The following TRA2A variants were observed in gnomAD, a reference collection of about 807,000 sequenced individuals.
The protein encoded by TRA2A is transformer 2 alpha homolog, also known as transformer-2 protein homolog alpha.
TRA2A carries 31 observed loss-of-function variants against 45.7 expected under a neutral mutation model. The ratio of observed to expected loss-of-function variants is 0.68; its 90% CI spans 0.51 to 0.92. TRA2A has a LOEUF of 0.92. Ranked by LOEUF, TRA2A falls within the 40% of genes least tolerant of loss-of-function variation. The pLI, the probability that TRA2A is intolerant of heterozygous loss-of-function variation, is 0.00. For synonymous variants in TRA2A, 132 were observed against 126.2 expected (o/e 1.05, Z -0.31); for missense variants, 304 against 367.5 (o/e 0.83, Z 1.41).
At chr7:23,512,491 CTG>C (rs1451506338) in intron 4 of TRA2A, among the ~76,000 whole-genome samples, 1 of 151,986 alleles carries the variant, frequency 6.6e-6, no homozygotes, top group African/African-American at 2.4e-5. Context: ...CGGAGTCTCA[CTG>C]TGTCGCCCAG....
chr7:23,518,136 G>A (rs774872123), intron 2 of TRA2A, among the ~76,000 whole-genome samples: 78 of 151,688 alleles, frequency 5.1e-4, no homozygotes, highest in Non-Finnish European at 9.4e-4. Context: ...ACAGGGTTTC[G>A]CCATGTTGCC....
At chr7:23,525,790 T>G (rs1396912345) in intron 1 of TRA2A, among the ~76,000 whole-genome samples, 1 of 152,154 alleles carries the variant, frequency 6.6e-6, no homozygotes, top group Admixed American at 6.5e-5. Flanking sequence ...GAGACGGGGT[T>G]TCACCACATT....
At position 23,531,935 on chromosome 7, in the gene TRA2A, A is replaced by G; in HGVS notation, c.-111T>C. 2 of 1,229,290 alleles carry G rather than the reference A, an allele frequency of 1.6e-6. No homozygotes were observed. Among genetic ancestry groups the G allele is most frequent in the Non-Finnish European group, 2.3e-6 (2 of 856,116 alleles). The allele number at this position is 1,229,290 out of a possible 1,614,324, so 76.1% of individuals were successfully genotyped here. The stretch of plus-strand genomic sequence containing the variant: ...GGGGAAGAGGAAAGAGTCGGCAACC[A>G]CAGCCGCTCCACTCCACTCCCACTC... On this transcript the variant is annotated 5_prime_UTR_variant, in exon 1 of 8. Transcript: ENST00000297071.
rs563687854 is a variant in TRA2A, at chr7:23,513,661, T to C, written c.337-579A>G. On this transcript the variant is annotated intron_variant, in intron 3 of 7. Transcript: ENST00000297071. Reference sequence around the variant, plus strand: ...AGAAATAGCACTTGAACATACATTTTTTTAGTAAGGCCATTTTTATTTTCT... The same window carrying C: ...AGAAATAGCACTTGAACATACATTTCTTTAGTAAGGCCATTTTTATTTTCT... Among the ~76,000 whole-genome samples the C allele has an allele frequency of 2.6e-5, 4 of 152,256 alleles. No homozygotes were observed. In the East Asian group the frequency reaches 7.7e-4, roughly 29 times the overall value.
intron 1 of TRA2A, among the ~76,000 whole-genome samples, chr7:23,526,288 T>A (rs1441998792): frequency 6.6e-6 from 1 of 152,210 alleles, no homozygotes; most frequent in Non-Finnish European, 1.5e-5. Context: ...TACTGTAACT[T>A]ACTCTAACAT....
Position 23,516,527 on chromosome 7 carries a change from A to G in TRA2A, c.172T>C (p.Ser58Pro). The change falls in exon 3 of 8, where the codon TCG (serine) becomes CCG (proline). Residue 58 changes from serine to proline, a missense_variant and splice_region_variant. By Grantham distance (74) the Ser-to-Pro change is moderately conservative. Transcript: ENST00000297071. ...CTATGAGAATGTCTCCTTGACCTCG[A>G]CCTTTGAGAGAAATACATTTAGGTA... ...SHSRSRSKSRSRSRRHSHRRY... is the reference protein window; with the variant it reads ...SHSRSRSKSRPRSRRHSHRRY... 6.2e-7 allele frequency: 1 copy of G among 1,613,516 alleles called. No individual in the cohort carries two copies. Among genetic ancestry groups the G allele is most frequent in the Non-Finnish European group, 8.5e-7 (1 of 1,179,778 alleles).
At chr7:23,524,940 T>C (rs1009249622) in intron 1 of TRA2A, among the ~76,000 whole-genome samples, 5 of 152,122 alleles carry the variant, frequency 3.3e-5, no homozygotes, top group African/African-American at 1.2e-4. Flanking sequence ...TCTGCCCGCC[T>C]TGGCCTCCCA....
rs117138956 is a variant in TRA2A at position 23,531,673 on chromosome 7, G to A, written c.36+116C>T. On this transcript the variant is annotated intron_variant, in intron 1 of 7. Coordinates refer to ENST00000297071, the MANE Select transcript of TRA2A (RefSeq NM_013293.5). ...TGGGATGGGAGGAATCAATCGCGAT[G>A]GCTCCAGAGGTTGCTCCTCGCGGGA... 9,867 of 1,098,376 alleles carry A rather than the reference G, an allele frequency of 9.0e-3. 72 individuals are homozygous for A. The highest frequency in any genetic ancestry group is 0.011 in the Non-Finnish European group (8,208 of 746,508). 68.0% of individuals were successfully genotyped at this position (1,098,376 alleles called of 1,614,324 possible).
rs769296675 is a variant in TRA2A, at chr7:23,506,208, G to A, written c.700C>T (p.Arg234Ter). The part of the protein sequence containing the change: ...GGGGGGGGRR[R>*]DSYYDRGYDR... The stretch of plus-strand genomic sequence containing the variant: ...TATCCTCTATCATAGTAAGAATCTC[G>A]ACGTCTGCCACCACCTCCACCTCCA... Residue 234 changes from arginine (R) to a stop codon, truncating the protein, a stop_gained, in exon 6 of 8, where the codon CGA becomes TGA. Transcript: ENST00000297071. LOFTEE classifies it high-confidence loss of function. 9 of 1,613,092 alleles carry A rather than the reference G, an allele frequency of 5.6e-6. No individual in the cohort carries two copies. Among genetic ancestry groups the A allele is most frequent in the Non-Finnish European group, 6.8e-6 (8 of 1,179,482 alleles).
intron 3 of TRA2A, 74 bp from the exon 4 acceptor site, chr7:23,513,156 G>T: frequency 9.6e-7 from 1 of 1,040,032 alleles, no homozygotes; most frequent in South Asian, 1.6e-5. Flanking sequence ...ACTTTGTTTA[G>T]AACACCTCAT....
intron 4 of TRA2A, among the ~76,000 whole-genome samples, chr7:23,507,831 T>C (rs910855903): frequency 6.6e-6 from 1 of 152,118 alleles, no homozygotes; most frequent in Non-Finnish European, 1.5e-5. Flanking sequence ...TAACAAACTT[T>C]CCTAAATAAT....
chr7:23,531,197 T>A, intron 1 of TRA2A: 1 of 986,408 alleles, frequency 1.0e-6, no homozygotes, highest in Non-Finnish European at 1.2e-6. Flanking sequence ...ATTAGGCTCG[T>A]CCCACCTTCA....
At chr7:23,529,567 G>A (rs1790484298) in intron 1 of TRA2A, among the ~76,000 whole-genome samples, 1 of 152,088 alleles carries the variant, frequency 6.6e-6, no homozygotes, top group South Asian at 2.1e-4. Context: ...GGCCAGAAAC[G>A]ATTTTAAAAA....
At position 23,512,845 on chromosome 7, in the gene TRA2A, T is replaced by C. The variant is rs1462506443; in HGVS notation, c.525+49A>G. ...ACAGAAATAAGTCTATTAATCAACT[T>C]TTCACACTAATTCAGTACTATAATC... is the stretch of plus-strand genomic sequence containing the variant. On this transcript the variant is annotated intron_variant, in intron 4 of 7. Coordinates refer to ENST00000297071, the MANE Select transcript of TRA2A (RefSeq NM_013293.5). The C allele has an allele frequency of 3.0e-6, 4 of 1,334,002 alleles. No individual in the cohort carries two copies. The East Asian group carries it at 1.0e-4, about 34-fold the overall frequency. 82.6% of individuals were successfully genotyped at this position (1,334,002 alleles called of 1,614,324 possible).
intron 4 of TRA2A, among the ~76,000 whole-genome samples, chr7:23,511,880 AAC>A (rs946479573): frequency 1.4e-4 from 22 of 152,218 alleles, no homozygotes; most frequent in Non-Finnish European, 1.6e-4. Flanking sequence ...TCAATTATTG[AAC>A]ACACTGATAA....
chr7:23,521,936 G>GA lies in TRA2A; in HGVS notation c.37-97dup. ...GTAATTATTTATATTGATTGCTCCT[G>GA]AAAAACAAATGGTTAGACAACACCC... is the stretch of plus-strand genomic sequence containing the variant. On this transcript the variant is annotated intron_variant, in intron 1 of 7. Transcript: ENST00000297071. 3.3e-6 allele frequency: 5 copies of GA among 1,531,192 alleles called. No individual in the cohort carries two copies. In the East Asian group the frequency reaches 9.3e-5, roughly 28 times the overall value. 94.9% of individuals were successfully genotyped at this position (1,531,192 alleles called of 1,614,324 possible).
At chr7:23,509,043 C>T (rs1191880959) in intron 4 of TRA2A, among the ~76,000 whole-genome samples, 2 of 151,746 alleles carry the variant, frequency 1.3e-5, no homozygotes, top group African/African-American at 4.8e-5. Context: ...CCAAGTCTCC[C>T]TATGTTTCCC....
rs1290123850 is a variant in TRA2A at position 23,531,979 on chromosome 7, A to G, written c.-155T>C. 7.9e-6 allele frequency: 6 copies of G among 759,492 alleles called. No homozygotes were observed. The highest frequency in any genetic ancestry group is 7.1e-5 in the African/African-American group (4 of 56,720). 47.0% of individuals were successfully genotyped at this position (759,492 alleles called of 1,614,324 possible). On this transcript the variant is annotated 5_prime_UTR_variant, in exon 1 of 8. Coordinates refer to ENST00000297071, the MANE Select transcript of TRA2A (RefSeq NM_013293.5). Reference sequence around the variant, plus strand: ...CCCACTCGGTCGCAGGCTCCAGCAAAATGGCGCCGGCGCCGCCAGAAATCT... The same window carrying G: ...CCCACTCGGTCGCAGGCTCCAGCAAGATGGCGCCGGCGCCGCCAGAAATCT...
chr7:23,528,362 C>T (rs2128001001), intron 1 of TRA2A, among the ~76,000 whole-genome samples: 1 of 152,178 alleles, frequency 6.6e-6, no homozygotes. Flanking sequence ...CGCGCGCCAC[C>T]ACGCCCAGCT....
Sources: allele counts gnomAD v4.1 joint callset (sites outside exome capture counted in the v4.1 genomes callset), GRCh38; gene constraint gnomAD v4.1.1; transcripts MANE v1.5; gene names NCBI Gene and HGNC (gene_info 2026-07-23, HGNC 2026-07-21).